Variants in PLAC9 observed in about 807,000 individuals in gnomAD.
The protein encoded by PLAC9 is placenta-specific protein 9.
A neutral mutation model predicts 11.5 loss-of-function variants in PLAC9; 12 were observed. That is an observed-to-expected ratio of 1.05 (90% CI 0.67 to 1.69). The LOEUF (loss-of-function observed/expected upper bound fraction) is 1.69. PLAC9 is among the 40% of genes most tolerant of loss of function. The pLI, the probability that PLAC9 is intolerant of heterozygous loss-of-function variation, is 0.00. For synonymous variants in PLAC9, 62 were observed against 58.1 expected (o/e 1.07, Z -0.31); for missense variants, 132 against 130.5 (o/e 1.01, Z -0.06).
chr10:80,132,615 A>G, upstream of PLAC9: 2 of 564,964 alleles, frequency 3.5e-6, no homozygotes, highest in Non-Finnish European at 2.8e-6. Context: ...GGGCCTCTGG[A>G]GGGGGCGGGT....
intron 1 of PLAC9, among the ~76,000 whole-genome samples, chr10:80,140,108 C>G (rs1490449503): frequency 6.6e-6 from 1 of 152,072 alleles, no homozygotes; most frequent in African/African-American, 2.4e-5. Flanking sequence ...AGATGTGGTC[C>G]CACCCCCTCT....
intron 1 of PLAC9, among the ~76,000 whole-genome samples, chr10:80,134,245 T>TTTTCTTTCTTTC (rs781468383): frequency 2.7e-5 from 4 of 150,200 alleles, no homozygotes; most frequent in African/African-American, 7.3e-5. Context: ...GCATTGTATA[T>TTTTCTTTCTTTC]TTTCTTTCTT....
intron 1 of PLAC9, among the ~76,000 whole-genome samples, chr10:80,133,174 A>C (rs1844932913): frequency 6.6e-6 from 1 of 152,198 alleles, no homozygotes; most frequent in Non-Finnish European, 1.5e-5. Flanking sequence ...AGAAAAAGTG[A>C]TTAAAATGGC....
At position 80,144,960 on chromosome 10, in the gene PLAC9, C is replaced by T. The variant is rs1258851258; in HGVS notation, c.*50C>T. ...TGGAGGTGGTGCACCTGCCAGGCAG[C>T]GCCCACAGAACCAGCCCTGTCCTCT... On this transcript the variant is annotated 3_prime_UTR_variant, in exon 4 of 4. Transcript: ENST00000372263. 2 of 1,560,652 alleles carry T rather than the reference C, an allele frequency of 1.3e-6. No individual in the cohort carries two copies. The highest frequency in any genetic ancestry group is 8.7e-7 in the Non-Finnish European group (1 of 1,150,962).
chr10:80,145,055 A>G lies in PLAC9; in HGVS notation c.*145A>G. On this transcript the variant is annotated 3_prime_UTR_variant, in exon 4 of 4. Transcript: ENST00000372263. The stretch of plus-strand genomic sequence containing the variant: ...CTCCTCTGTGTCTGCTGACAGAGTA[A>G]CCCGTTTAACTACAGCCTCCTCTCA... 1 of 1,051,478 alleles carries G rather than the reference A, an allele frequency of 9.5e-7. No individual in the cohort carries two copies. The highest frequency in any genetic ancestry group is 1.4e-6 in the Non-Finnish European group (1 of 697,194). 65.1% of individuals were successfully genotyped at this position (1,051,478 alleles called of 1,614,324 possible). A position where few individuals can be genotyped will look rare whatever the true frequency, so the allele number is the denominator to read the frequency against.
rs1332897221 is a variant in PLAC9, at chr10:80,132,962, G to A, written c.64+136G>A. ...GGACAGAGAGGCAGATGCAGGGAGG[G>A]AGGGATGGAGAGAAAGATTGAGAGG... On this transcript the variant is annotated intron_variant, in intron 1 of 3. Transcript: ENST00000372263. The A allele has an allele frequency of 1.0e-5, 7 of 677,372 alleles. No individual in the cohort carries two copies. In the East Asian group the frequency reaches 2.4e-4, roughly 23 times the overall value. 42.0% of individuals were successfully genotyped at this position (677,372 alleles called of 1,614,324 possible). A position where few individuals can be genotyped will look rare whatever the true frequency, so the allele number is the denominator to read the frequency against.
Position 80,145,164 on chromosome 10 carries a change from C to T in PLAC9, c.*254C>T. The T allele has an allele frequency of 1.6e-6, 1 of 633,032 alleles. No homozygotes were observed. Among genetic ancestry groups the T allele is most frequent in the Non-Finnish European group, 2.8e-6 (1 of 356,716 alleles). 39.2% of individuals were successfully genotyped at this position (633,032 alleles called of 1,614,324 possible). On this transcript the variant is annotated 3_prime_UTR_variant, in exon 4 of 4. Transcript: ENST00000372263. The stretch of plus-strand genomic sequence containing the variant: ...CCCCCACTCCTGTCATTTATAGGGG[C>T]AGATGGAGCAGGGGTTGATTCACAC...
intron 2 of PLAC9, 113 bp downstream of exon 2, chr10:80,142,292 C>A: frequency 1.2e-6 from 1 of 837,718 alleles, no homozygotes; most frequent in Non-Finnish European, 1.8e-6. Flanking sequence ...GCCGATCCTG[C>A]CCTGTGGCCA....
chr10:80,133,692 C>A (rs1844939385), intron 1 of PLAC9, among the ~76,000 whole-genome samples: 1 of 152,158 alleles, frequency 6.6e-6, no homozygotes, highest in South Asian at 2.1e-4. Flanking sequence ...TGTCCGCTTT[C>A]TTCCCCTCAC....
intron 2 of PLAC9, among the ~76,000 whole-genome samples, chr10:80,143,829 C>T (rs1845068593): frequency 6.6e-6 from 1 of 152,162 alleles, no homozygotes; most frequent in South Asian, 2.1e-4. Context: ...CCATGGCATA[C>T]ACAGGGAAAA....
chr10:80,132,583 G>C, upstream of PLAC9: 1 of 473,206 alleles, frequency 2.1e-6, no homozygotes, highest in Non-Finnish European at 3.6e-6. Flanking sequence ...TCTGGGCTCC[G>C]CGCTGCCCAC....
chr10:80,143,923 T>C (rs1845069849), intron 2 of PLAC9: 2 of 368,428 alleles, frequency 5.4e-6, no homozygotes, highest in Admixed American at 8.4e-5. Flanking sequence ...ACAAAAGGAA[T>C]GTGAGCTCCA....
In PLAC9 at chr10:80,142,084, G is replaced by A. The variant is rs748251102; in HGVS notation, c.67G>A (p.Ala23Thr). 6.2e-7 allele frequency: 1 copy of A among 1,607,534 alleles called. No homozygotes were observed. Among genetic ancestry groups the A allele is most frequent in the South Asian group, 1.1e-5 (1 of 90,628 alleles). ...TGACAAGACTTGTTTTCCCACAGCT[G>A]CCGAACCCTTCAGCCCTCCGCGAGG... ...LLRAAGSLAA[A>T]EPFSPPRGDS... The change falls in exon 2 of 4, where the codon GCC becomes ACC. Residue 23 changes from alanine to threonine, a missense_variant and splice_region_variant. Physicochemically the swap from Ala to Thr is moderately conservative, Grantham distance 58. Coordinates refer to ENST00000372263, the MANE Select transcript of PLAC9 (RefSeq NM_001012973.3).
intron 1 of PLAC9, among the ~76,000 whole-genome samples, chr10:80,139,464 G>A (rs370244498): frequency 3.9e-5 from 6 of 152,104 alleles, no homozygotes; most frequent in East Asian, 3.9e-4. Context: ...AGACTCCTAG[G>A]TTTCAGCTCC....
At chr10:80,143,389 A>ATGTTTTTTTT (rs1469473144) in intron 2 of PLAC9, among the ~76,000 whole-genome samples, 1 of 89,954 alleles carries the variant, frequency 1.1e-5, no homozygotes, top group African/African-American at 5.0e-5. Flanking sequence ...AAATACTTGA[A>ATGTTTTTTTT]TTTTTTTTTT....
At position 80,142,131 on chromosome 10, in the gene PLAC9, G is replaced by A. The variant is rs748447619; in HGVS notation, c.114G>A (p.Ala38=). The stretch of plus-strand genomic sequence containing the variant: ...GAGGAGACTCAGCTCAGAGCACAGC[G>A]TGTGACAGACACATGGCTGTGCAAC... ...PPRGDSAQST[A]CDRHMAVQRR... is the part of the protein sequence containing the mutation. Residue 38 remains alanine (A), a synonymous_variant, in exon 2 of 4, where the codon GCG becomes GCA. Transcript: ENST00000372263. 1.6e-5 allele frequency: 26 copies of A among 1,611,586 alleles called. No individual in the cohort carries two copies. Among genetic ancestry groups the A allele is most frequent in the African/African-American group, 2.7e-5 (2 of 74,886 alleles).
At chr10:80,142,009 C>T in intron 1 of PLAC9, 73 bp from the exon 2 acceptor site, 1 of 1,275,080 alleles carries the variant, frequency 7.8e-7, no homozygotes, top group Non-Finnish European at 1.1e-6. Flanking sequence ...TCATTTGAGC[C>T]CAGTGTTTAC....
At chr10:80,133,740 C>A (rs939992843) in intron 1 of PLAC9, among the ~76,000 whole-genome samples, 1 of 152,130 alleles carries the variant, frequency 6.6e-6, no homozygotes, top group Non-Finnish European at 1.5e-5. Flanking sequence ...CTCAGGAGAT[C>A]AAGACCAGCC....
chr10:80,135,577 G>A (rs1844966501), intron 1 of PLAC9, among the ~76,000 whole-genome samples: 2 of 151,792 alleles, frequency 1.3e-5, no homozygotes, highest in African/African-American at 4.8e-5. Flanking sequence ...GACATCAAGT[G>A]ATCAGCCTGC....
Sources: allele counts gnomAD v4.1 joint callset (sites outside exome capture counted in the v4.1 genomes callset), GRCh38; gene constraint gnomAD v4.1.1; transcripts MANE v1.5; gene names NCBI Gene and HGNC (gene_info 2026-07-23, HGNC 2026-07-21).